The following EYS variants were observed in gnomAD, a reference collection of about 807,000 sequenced individuals.
EYS encodes protein eyes shut homolog.
Under a neutral mutation model 282.1 loss-of-function variants are expected in EYS, and 250 were observed. The ratio of observed to expected loss-of-function variants is 0.89; its 90% CI spans 0.80 to 0.98. The LOEUF is 0.98. Among genes scored for constraint, EYS ranks in the 50% least tolerant of loss-of-function variants. The pLI is 0.00. For synonymous variants in EYS, 1,355 were observed against 1,282.9 expected (o/e 1.06, Z -1.20); for missense variants, 4,016 against 3,709.0 (o/e 1.08, Z -2.15).
intron 33 of EYS, among the ~76,000 whole-genome samples, chr6:64,065,237 GTTTA>G (rs1440059368): frequency 6.6e-6 from 1 of 152,146 alleles, no homozygotes; most frequent in Admixed American, 6.5e-5. Flanking sequence ...TTCAGAGAAA[GTTTA>G]TTTGATTTAT....
At chr6:64,771,972 G>T (rs1361430223) in intron 22 of EYS, among the ~76,000 whole-genome samples, 2 of 151,548 alleles carry the variant, frequency 1.3e-5, no homozygotes, top group African/African-American at 4.8e-5. Context: ...TTCATCTCTC[G>T]TGTAAATAGA....
chr6:64,481,122 T>C (rs545225332), intron 26 of EYS, among the ~76,000 whole-genome samples: 1 of 151,274 alleles, frequency 6.6e-6, no homozygotes, highest in Non-Finnish European at 1.5e-5. Context: ...CTGTTTATTT[T>C]TGCCATTATT....
At chr6:64,880,158 C>A (rs1041025441) in intron 19 of EYS, among the ~76,000 whole-genome samples, 6 of 151,932 alleles carry the variant, frequency 3.9e-5, no homozygotes, top group African/African-American at 1.4e-4. Context: ...GCGGAAAAAG[C>A]AAAGCATTTT....
chr6:64,501,978 C>CA (rs1161102314), intron 26 of EYS, among the ~76,000 whole-genome samples: 5 of 152,124 alleles, frequency 3.3e-5, no homozygotes, highest in Non-Finnish European at 5.9e-5. Context: ...CATTGTGCCT[C>CA]AATTGCCTCA....
chr6:64,832,014 C>A (rs182428861), intron 19 of EYS, among the ~76,000 whole-genome samples: 1 of 151,830 alleles, frequency 6.6e-6, no homozygotes, highest in East Asian at 1.9e-4. Context: ...TCTCTAAGTA[C>A]AAACAGGCAT....
rs181247482 is a variant in EYS, at chr6:65,012,650, A to G, written c.2138-14947T>C. Among the ~76,000 whole-genome samples the G allele has an allele frequency of 5.3e-5, 8 of 151,584 alleles. 1 individual carries two copies. The highest frequency in any genetic ancestry group is 2.0e-4 in the African/African-American group (8 of 40,926). On this transcript the variant is annotated intron_variant, in intron 13 of 42. Coordinates refer to ENST00000503581, the MANE Select transcript of EYS (RefSeq NM_001142800.2). ...TGTCCCTGTGATTCTCCCAGTTCTG[A>G]CCACAAGAAAAATAGTAAGGGGGAC...
chr6:65,476,509 A>G (rs1265958201), intron 5 of EYS, among the ~76,000 whole-genome samples: 10 of 152,190 alleles, frequency 6.6e-5, no homozygotes. Flanking sequence ...TTGAGTTCAA[A>G]ATATATTAAT....
At chr6:64,704,108 G>T (rs540283129) in intron 22 of EYS, among the ~76,000 whole-genome samples, 1 of 151,706 alleles carries the variant, frequency 6.6e-6, no homozygotes, top group East Asian at 1.9e-4. Flanking sequence ...AAAATATTTC[G>T]CAATAACAAA....
At chr6:63,858,318 C>T (rs1319610093) in intron 36 of EYS, among the ~76,000 whole-genome samples, 1 of 152,136 alleles carries the variant, frequency 6.6e-6, no homozygotes, top group Non-Finnish European at 1.5e-5. Context: ...CCGCGGCTTC[C>T]CAAAGTACTA....
intron 12 of EYS, among the ~76,000 whole-genome samples, chr6:65,108,839 T>C (rs1775121534): frequency 6.6e-6 from 1 of 152,156 alleles, no homozygotes; most frequent in Non-Finnish European, 1.5e-5. Flanking sequence ...GACATTTGAA[T>C]AACATCTAAC....
At chr6:65,327,247 T>C (rs1368537036) in intron 11 of EYS, among the ~76,000 whole-genome samples, 3 of 151,624 alleles carry the variant, frequency 2.0e-5, no homozygotes, top group Non-Finnish European at 4.4e-5. Flanking sequence ...AGTTTTTCGG[T>C]TGTGTGTTTT....
chr6:65,600,733 A>G (rs1284551590), intron 2 of EYS, among the ~76,000 whole-genome samples: 1 of 151,968 alleles, frequency 6.6e-6, no homozygotes, highest in African/African-American at 2.4e-5. Flanking sequence ...GTAGTTATAT[A>G]ATTATGTTAG....
At chr6:65,625,766 G>A (rs560965799) in intron 2 of EYS, among the ~76,000 whole-genome samples, 1 of 152,120 alleles carries the variant, frequency 6.6e-6, no homozygotes, top group Non-Finnish European at 1.5e-5. Context: ...TGAAATTACA[G>A]TGACAATGAT....
intron 22 of EYS, among the ~76,000 whole-genome samples, chr6:64,810,338 C>T (rs892922934): frequency 6.6e-6 from 1 of 152,006 alleles, no homozygotes; most frequent in Non-Finnish European, 1.5e-5. Flanking sequence ...AATGAATCAA[C>T]TGAATTTATA....
intron 15 of EYS, among the ~76,000 whole-genome samples, chr6:64,919,585 T>G (rs1768274692): frequency 6.6e-6 from 1 of 152,036 alleles, no homozygotes; most frequent in South Asian, 2.1e-4. Context: ...AATTTATTTA[T>G]ACACATAATT....
chr6:65,427,068 A>G (rs1767690992), intron 5 of EYS, among the ~76,000 whole-genome samples: 1 of 152,010 alleles, frequency 6.6e-6, no homozygotes. Context: ...CTCTATTATA[A>G]CCTTAAATAA....
At chr6:64,849,308 G>A (rs1765811046) in intron 19 of EYS, among the ~76,000 whole-genome samples, 1 of 151,480 alleles carries the variant, frequency 6.6e-6, no homozygotes, top group Non-Finnish European at 1.5e-5. Flanking sequence ...GAAATATCCA[G>A]TTGGTTATAT....
At chr6:65,122,865 T>A (rs946419051) in intron 12 of EYS, among the ~76,000 whole-genome samples, 1 of 152,228 alleles carries the variant, frequency 6.6e-6, no homozygotes, top group South Asian at 2.1e-4. Flanking sequence ...TGAGAAATAA[T>A]GCAACAACAC....
At chr6:64,461,808 A>G (rs1276394766) in intron 26 of EYS, among the ~76,000 whole-genome samples, 2 of 152,176 alleles carry the variant, frequency 1.3e-5, no homozygotes, top group Non-Finnish European at 2.9e-5. Flanking sequence ...AAAAATTGTC[A>G]TTTTAAAATA....
Sources: allele counts gnomAD v4.1 joint callset (sites outside exome capture counted in the v4.1 genomes callset), GRCh38; gene constraint gnomAD v4.1.1; transcripts MANE v1.5; gene names NCBI Gene and HGNC (gene_info 2026-07-23, HGNC 2026-07-21).